DSN1: variants seen among roughly 807,000 people sequenced by gnomAD.
DSN1 encodes DSN1 component of MIS12 kinetochore complex, also known as kinetochore-associated protein DSN1 homolog.
A neutral mutation model predicts 45.7 loss-of-function variants in DSN1; 31 were observed. The ratio of observed to expected loss-of-function variants is 0.68; its 90% CI spans 0.51 to 0.92. The LOEUF (loss-of-function observed/expected upper bound fraction) is 0.92. Ranked by LOEUF, DSN1 falls within the 40% of genes least tolerant of loss-of-function variation. DSN1 has a pLI of 0.00. For missense variants in DSN1, 394 were observed against 414.2 expected (o/e 0.95, Z 0.42); for synonymous variants, 134 against 142.3 (o/e 0.94, Z 0.41).
chr20:36,771,286 A>G, intron 2 of DSN1, 93 bp from the exon 3 acceptor site: 1 of 1,486,376 alleles, frequency 6.7e-7, no homozygotes, highest in Non-Finnish European at 9.2e-7. Context: ...ATGCCCCTAG[A>G]TCGTGGAAAC....
At chr20:36,771,824 A>G (rs539191935) in intron 1 of DSN1, among the ~76,000 whole-genome samples, 12 of 152,346 alleles carry the variant, frequency 7.9e-5, no homozygotes, top group Non-Finnish European at 8.8e-5. Context: ...CTCCAGATCC[A>G]AAGTCCTAAC....
intron 4 of DSN1, 54 bp from the exon 5 acceptor site, chr20:36,766,895 C>G: frequency 8.0e-7 from 1 of 1,256,076 alleles, no homozygotes; most frequent in Non-Finnish European, 1.1e-6. Flanking sequence ...CAGGCCAGTC[C>G]TAAATTTATG....
intron 7 of DSN1, 39 bp downstream of exon 7, chr20:36,758,519 G>A (rs745425997): frequency 5.8e-6 from 9 of 1,557,592 alleles, no homozygotes; most frequent in Non-Finnish European, 5.3e-6. Flanking sequence ...TCCCCAGATG[G>A]GAGAACGAAT....
chr20:36,758,472 C>T (rs1034918213), intron 7 of DSN1, 86 bp downstream of exon 7: 148 of 1,202,442 alleles, frequency 1.2e-4, no homozygotes, highest in Non-Finnish European at 1.7e-4. Context: ...TCTCCAAATA[C>T]AATGCTTACT....
Position 36,752,826 on chromosome 20 carries a change from G to T in DSN1, c.1033C>A (p.Pro345Thr). Residue 345 changes from proline (P) to threonine (T), a missense_variant, in exon 11 of 11, where the codon CCT becomes ACT. Physicochemically the swap from Pro to Thr is conservative, Grantham distance 38 (BLOSUM62 -1). Coordinates refer to ENST00000373750, the MANE Select transcript of DSN1 (RefSeq NM_001145315.2). ...KLLKLQLQNP[P>T]AIHGSGSGSC... ...CCAGATCCAGATCCATGTATGGCAG[G>T]TGGGTTCTGTAGCTGAAGCTTCAAC... 1 of 1,614,206 alleles carries T rather than the reference G, an allele frequency of 6.2e-7. No homozygotes were observed. Among genetic ancestry groups the T allele is most frequent in the Non-Finnish European group, 8.5e-7 (1 of 1,180,036 alleles).
At chr20:36,762,592 C>A (rs377748605) in intron 5 of DSN1, 44 bp from the exon 6 acceptor site, 2 of 1,559,836 alleles carry the variant, frequency 1.3e-6, no homozygotes, top group Non-Finnish European at 1.8e-6. Context: ...AGGAAATATA[C>A]GTTTTCATAG....
chr20:36,766,975 T>G, intron 4 of DSN1, 134 bp from the exon 5 acceptor site: 1 of 577,934 alleles, frequency 1.7e-6, no homozygotes, highest in Non-Finnish European at 3.0e-6. Context: ...CATAAGACTT[T>G]TCACAGAAAC....
At chr20:36,754,265 G>A (rs936119062) in intron 10 of DSN1, among the ~76,000 whole-genome samples, 2 of 152,078 alleles carry the variant, frequency 1.3e-5, no homozygotes, top group African/African-American at 4.8e-5. Flanking sequence ...AGCCTATCAG[G>A]TTGAGGCTGC....
chr20:36,763,302 G>A (rs1987104959), intron 5 of DSN1, among the ~76,000 whole-genome samples: 1 of 151,270 alleles, frequency 6.6e-6, no homozygotes, highest in Non-Finnish European at 1.5e-5. Flanking sequence ...CTACTCGGGA[G>A]GCTGAGGCAG....
intron 5 of DSN1, among the ~76,000 whole-genome samples, chr20:36,765,642 C>A (rs1215789808): frequency 5.3e-5 from 8 of 150,724 alleles, no homozygotes; most frequent in Admixed American, 6.6e-5. Context: ...ACAAAAAATA[C>A]AAAAAATTAG....
At chr20:36,773,206 A>AT (rs1379658124) in intron 1 of DSN1, among the ~76,000 whole-genome samples, 2 of 152,216 alleles carry the variant, frequency 1.3e-5, no homozygotes. Flanking sequence ...GACCTGTGCT[A>AT]TGTAAGCGCT....
At chr20:36,765,258 A>AT (rs1330420266) in intron 5 of DSN1, among the ~76,000 whole-genome samples, 2 of 149,694 alleles carry the variant, frequency 1.3e-5, no homozygotes, top group Non-Finnish European at 3.0e-5. Flanking sequence ...AAAAAAAAAA[A>AT]AAAAAAAAAA....
In DSN1 at chr20:36,755,695, C is replaced by G. The variant is rs746199909; in HGVS notation, c.860G>C (p.Cys287Ser). The change falls in exon 9 of 11, where the codon TGT (cysteine) becomes TCT (serine). Residue 287 changes from cysteine (C) to serine (S), a missense_variant. Cys to Ser is a moderately radical substitution (Grantham distance 112). Coordinates refer to ENST00000373750, the MANE Select transcript of DSN1 (RefSeq NM_001145315.2). ...ILQNQSKVFD[C>S]MELVMDELQG... ...GAGCCCACTTACCACCAACTCCATACAGTCAAAGACTTTGCTCTGGTTCTG... is the reference window on the plus strand; with the variant it reads ...GAGCCCACTTACCACCAACTCCATAGAGTCAAAGACTTTGCTCTGGTTCTG... The G allele has an allele frequency of 7.4e-6, 12 of 1,613,452 alleles. No homozygotes were observed. The highest frequency in any genetic ancestry group is 1.0e-5 in the Non-Finnish European group (12 of 1,179,690).
At chr20:36,770,836 G>C (rs1202987536) in intron 3 of DSN1, 37 bp downstream of exon 3, 1 of 1,565,034 alleles carries the variant, frequency 6.4e-7, no homozygotes, top group East Asian at 2.2e-5. Flanking sequence ...TCTTATCTGA[G>C]CTGGAACCTC....
chr20:36,773,740 C>A lies in DSN1; in HGVS notation c.-94G>T. ...CCTTGCGCACCCGCAGCCGATACTCCCTGATCAGGGTGAAGCGGTCTCCAC... is the reference window on the plus strand; with the variant it reads ...CCTTGCGCACCCGCAGCCGATACTCACTGATCAGGGTGAAGCGGTCTCCAC... On this transcript the variant is annotated 5_prime_UTR_variant, in exon 1 of 11. Transcript: ENST00000373750. 1.0e-6 allele frequency: 1 copy of A among 985,614 alleles called. No homozygotes were observed. Among genetic ancestry groups the A allele is most frequent in the Non-Finnish European group, 1.2e-6 (1 of 830,028 alleles). The allele number at this position is 985,614 out of a possible 1,614,324, so 61.1% of individuals were successfully genotyped here. A position where few individuals can be genotyped will look rare whatever the true frequency, so the allele number is the denominator to read the frequency against.
chr20:36,757,737 C>T (rs1986753105), intron 8 of DSN1, among the ~76,000 whole-genome samples: 1 of 152,204 alleles, frequency 6.6e-6, no homozygotes, highest in African/African-American at 2.4e-5. Flanking sequence ...ACCTGCAGCT[C>T]ATAGGCCATG....
At chr20:36,765,513 C>A (rs1430414992) in intron 5 of DSN1, among the ~76,000 whole-genome samples, 1 of 151,772 alleles carries the variant, frequency 6.6e-6, no homozygotes, top group Admixed American at 6.6e-5. Context: ...CAAGATTGCA[C>A]CACTGCACTC....
At chr20:36,758,058 AAAGAG>A (rs1986772276) in intron 8 of DSN1, 24 bp downstream of exon 8, 2 of 1,598,226 alleles carry the variant, frequency 1.3e-6, no homozygotes, top group Non-Finnish European at 1.7e-6. Flanking sequence ...TAAGATTTTT[AAAGAG>A]TTTTTACAGT....
chr20:36,759,986 G>A (rs1006218327), intron 6 of DSN1, among the ~76,000 whole-genome samples: 12 of 151,852 alleles, frequency 7.9e-5, no homozygotes, highest in African/African-American at 2.4e-4. Flanking sequence ...GCTCACGACC[G>A]TAATCCCAGC....
Sources: allele counts gnomAD v4.1 joint callset (sites outside exome capture counted in the v4.1 genomes callset), GRCh38; gene constraint gnomAD v4.1.1; transcripts MANE v1.5; gene names NCBI Gene and HGNC (gene_info 2026-07-23, HGNC 2026-07-21).